PLCL1: variants seen among roughly 807,000 people sequenced by gnomAD.
PLCL1 encodes the protein inactive phospholipase C-like protein 1.
A neutral mutation model predicts 84.4 loss-of-function variants in PLCL1; 41 were observed. The ratio of observed to expected loss-of-function variants is 0.49; its 90% confidence interval spans 0.38 to 0.63. The LOEUF is 0.63. Among genes scored for constraint, PLCL1 ranks in the 30% least tolerant of loss-of-function variants. The pLI, the probability that PLCL1 is intolerant of heterozygous loss-of-function variation, is 0.00. For missense variants in PLCL1, 1,206 were observed against 1,367.8 expected (o/e 0.88, Z 1.87); for synonymous variants, 490 against 488.3 (o/e 1.00, Z -0.05).
intron 1 of PLCL1, among the ~76,000 whole-genome samples, chr2:197,849,089 A>G (rs902843607): frequency 1.3e-5 from 2 of 148,428 alleles, no homozygotes; most frequent in Non-Finnish European, 3.0e-5. Context: ...AGTCCATAGA[A>G]TATTGGCAAG....
At chr2:198,027,462 T>G (rs1452481497) in intron 1 of PLCL1, among the ~76,000 whole-genome samples, 2 of 152,168 alleles carry the variant, frequency 1.3e-5, no homozygotes, top group East Asian at 3.8e-4. Context: ...AAAAACGTAT[T>G]GTATACTTGA....
intron 5 of PLCL1, among the ~76,000 whole-genome samples, chr2:198,135,382 T>G (rs1694231808): frequency 6.6e-6 from 1 of 152,188 alleles, no homozygotes; most frequent in Non-Finnish European, 1.5e-5. Flanking sequence ...TTCTGTCCTA[T>G]CCTATTAGTT....
intron 1 of PLCL1, among the ~76,000 whole-genome samples, chr2:197,990,847 G>C (rs1252703401): frequency 6.6e-6 from 1 of 152,176 alleles, no homozygotes; most frequent in Non-Finnish European, 1.5e-5. Context: ...TGGAAATGTA[G>C]AGTCTGGATA....
intron 1 of PLCL1, among the ~76,000 whole-genome samples, chr2:197,835,966 A>G (rs1175972990): frequency 6.6e-6 from 1 of 152,134 alleles, no homozygotes; most frequent in East Asian, 1.9e-4. Flanking sequence ...GGTCCATGGT[A>G]TGTTACAAAT....
chr2:197,846,879 A>T (rs1291338357), intron 1 of PLCL1, among the ~76,000 whole-genome samples: 1 of 152,158 alleles, frequency 6.6e-6, no homozygotes, highest in Non-Finnish European at 1.5e-5. Context: ...TAATATATAC[A>T]ATGGAAATTC....
chr2:198,078,397 T>G (rs1351319438), intron 1 of PLCL1, among the ~76,000 whole-genome samples: 1 of 152,166 alleles, frequency 6.6e-6, no homozygotes, highest in Non-Finnish European at 1.5e-5. Context: ...TGCTTGGAAC[T>G]TCACAAAACC....
Position 197,917,080 on chromosome 2 carries a change from C to T in PLCL1, c.240+111741C>T, listed in dbSNP as rs185629056. Among the ~76,000 whole-genome samples, 999 of 152,330 alleles carry T rather than the reference C, an allele frequency of 6.6e-3. 7 individuals carry two copies. The highest frequency in any genetic ancestry group is 0.019 in the Admixed American group (297 of 15,302). On this transcript the variant is annotated intron_variant, in intron 1 of 5. Coordinates refer to ENST00000428675, the MANE Select transcript of PLCL1 (RefSeq NM_006226.4). ...CTGGGAAAACAAAATGGAACAGCCACTTTAAAAGATAGTTTGACAGTTTCC... is the reference window on the plus strand; with the variant it reads ...CTGGGAAAACAAAATGGAACAGCCATTTTAAAAGATAGTTTGACAGTTTCC...
At chr2:197,829,354 T>A (rs545513550) in intron 1 of PLCL1, among the ~76,000 whole-genome samples, 1 of 152,306 alleles carries the variant, frequency 6.6e-6, no homozygotes, top group South Asian at 2.1e-4. Flanking sequence ...AGAGCTAGCT[T>A]TAAGAGCCGT....
intron 1 of PLCL1, among the ~76,000 whole-genome samples, chr2:197,980,731 A>C (rs1003233567): frequency 3.9e-5 from 6 of 152,222 alleles, no homozygotes; most frequent in Non-Finnish European, 7.3e-5. Context: ...ATAATATCAG[A>C]TCATAAAAAT....
chr2:198,082,702 G>A, intron 1 of PLCL1, among the ~76,000 whole-genome samples: 1 of 152,088 alleles, frequency 6.6e-6, no homozygotes, highest in East Asian at 1.9e-4. Flanking sequence ...AATGAATTGG[G>A]AATGATAGAC....
intron 1 of PLCL1, among the ~76,000 whole-genome samples, chr2:197,907,953 GGCCACT>G (rs926683784): frequency 6.6e-6 from 1 of 152,096 alleles, no homozygotes; most frequent in Non-Finnish European, 1.5e-5. Flanking sequence ...TAAGGTTGAG[GGCCACT>G]GCTCTTGTAC....
intron 5 of PLCL1, among the ~76,000 whole-genome samples, chr2:198,114,582 A>G (rs138173433): frequency 6.6e-6 from 1 of 152,000 alleles, no homozygotes; most frequent in Admixed American, 6.6e-5. Context: ...TTGATGTCTT[A>G]ACTCTGCATT....
At position 197,930,604 on chromosome 2, in the gene PLCL1, T is replaced by C. The variant is rs1249712577; in HGVS notation, c.240+125265T>C. 2.3e-4 allele frequency among the ~76,000 whole-genome samples: 35 copies of C among 152,194 alleles called. 1 individual carries two copies. ...ATGCTTTTCATTTCCTTGTATGTTT[T>C]GGAAAAATAATGTATGTTCATAGAA... On this transcript the variant is annotated intron_variant, in intron 1 of 5. Coordinates refer to ENST00000428675, the MANE Select transcript of PLCL1 (RefSeq NM_006226.4).
intron 5 of PLCL1, among the ~76,000 whole-genome samples, chr2:198,119,211 C>A (rs1458131142): frequency 1.4e-5 from 2 of 144,340 alleles, no homozygotes; most frequent in Non-Finnish European, 3.1e-5. Flanking sequence ...TCTAATACAT[C>A]CTTCTTGTGT....
At chr2:197,904,719 A>G (rs1444985518) in intron 1 of PLCL1, among the ~76,000 whole-genome samples, 2 of 151,814 alleles carry the variant, frequency 1.3e-5, no homozygotes, top group Admixed American at 1.3e-4. Flanking sequence ...ATGGCAAGGT[A>G]TATTGGTCTG....
intron 1 of PLCL1, among the ~76,000 whole-genome samples, chr2:197,984,612 A>G (rs1420941351): frequency 6.6e-6 from 1 of 152,226 alleles, no homozygotes; most frequent in Non-Finnish European, 1.5e-5. Flanking sequence ...TGAGTGGTCC[A>G]TAATACCAAC....
chr2:198,043,881 CTTTT>C (rs397800019), intron 1 of PLCL1, among the ~76,000 whole-genome samples: 6 of 124,864 alleles, frequency 4.8e-5, no homozygotes, highest in African/African-American at 1.2e-4. Flanking sequence ...AATTCTTGTT[CTTTT>C]TTTTTTTTTT....
At chr2:198,128,532 C>T (rs567431536) in intron 5 of PLCL1, among the ~76,000 whole-genome samples, 1 of 152,002 alleles carries the variant, frequency 6.6e-6, no homozygotes, top group Admixed American at 6.6e-5. Context: ...GCGCTTAGTC[C>T]GTTCCTGGGT....
At chr2:197,845,277 A>C (rs534665013) in intron 1 of PLCL1, among the ~76,000 whole-genome samples, 2 of 152,274 alleles carry the variant, frequency 1.3e-5, no homozygotes, top group Non-Finnish European at 2.9e-5. Flanking sequence ...TAAAATAAAT[A>C]TTTTACACAC....
Sources: gnomAD v4.1 joint callset for allele counts (sites outside exome capture counted in the v4.1 genomes callset) on GRCh38, gnomAD v4.1.1 for gene constraint, MANE v1.5 for transcripts, NCBI Gene and HGNC (gene_info 2026-07-23, HGNC 2026-07-21) for gene names.